REEP3: variants seen among roughly 807,000 people sequenced by gnomAD.
The protein encoded by REEP3 is receptor expression-enhancing protein 3.
A neutral mutation model predicts 41.3 loss-of-function variants in REEP3; 20 were observed. The ratio of observed to expected loss-of-function variants is 0.48; its 90% CI spans 0.34 to 0.70. REEP3 has a LOEUF of 0.70. REEP3 is among the 30% of genes least tolerant of loss of function. The probability of loss-of-function intolerance (pLI) is 0.01; values close to 1 mark genes in which losing one functional copy is unlikely to be tolerated. For missense variants in REEP3, 271 were observed against 308.8 expected, an observed-to-expected ratio of 0.88 and a Z score of 0.92; for synonymous variants, 104 against 101.8, an observed-to-expected ratio of 1.02 and a Z score of -0.13.
intron 6 of REEP3, among the ~76,000 whole-genome samples, chr10:63,618,237 CTTTTT>C (rs60115766): frequency 3.0e-5 from 2 of 66,572 alleles, no homozygotes; most frequent in Non-Finnish European, 5.8e-5. Flanking sequence ...TTTCCTTCTT[CTTTTT>C]TTTTTTTTTT....
At chr10:63,579,347 A>G (rs1319069018) in intron 2 of REEP3, among the ~76,000 whole-genome samples, 1 of 152,160 alleles carries the variant, frequency 6.6e-6, no homozygotes, top group Non-Finnish European at 1.5e-5. Context: ...TGTGTTTTCT[A>G]AAAACAATTT....
chr10:63,538,303 A>G (rs1243179276), intron 1 of REEP3, among the ~76,000 whole-genome samples: 2 of 152,224 alleles, frequency 1.3e-5, no homozygotes, highest in Non-Finnish European at 2.9e-5. Flanking sequence ...AATTCCCCAT[A>G]ATTAGTAAGA....
chr10:63,547,606 C>T (rs768671872), intron 1 of REEP3, among the ~76,000 whole-genome samples: 4 of 152,118 alleles, frequency 2.6e-5, no homozygotes, highest in Non-Finnish European at 4.4e-5. Context: ...CTAGAGATTC[C>T]TGGGCCTTTA....
chr10:63,582,064 A>G (rs952238465), intron 2 of REEP3, among the ~76,000 whole-genome samples: 1 of 152,232 alleles, frequency 6.6e-6, no homozygotes, highest in Admixed American at 6.5e-5. Context: ...TGATATTGTC[A>G]GAACATGCAC....
At chr10:63,573,343 GT>G (rs1955870444) in intron 2 of REEP3, among the ~76,000 whole-genome samples, 1 of 152,130 alleles carries the variant, frequency 6.6e-6, no homozygotes, top group African/African-American at 2.4e-5. Flanking sequence ...AATTAGTATG[GT>G]TTTGCAAATT....
chr10:63,589,144 G>A (rs989086188), intron 2 of REEP3, among the ~76,000 whole-genome samples: 1 of 152,148 alleles, frequency 6.6e-6, no homozygotes, highest in African/African-American at 2.4e-5. Flanking sequence ...TTTTAAGTAG[G>A]CACCCTGACT....
Position 63,621,586 on chromosome 10 carries a change from T to C in REEP3, c.*717T>C, listed in dbSNP as rs1433457511. 1 of 152,660 alleles carries C rather than the reference T, an allele frequency of 6.6e-6. No homozygotes were observed. The highest frequency in any genetic ancestry group is 1.5e-5 in the Non-Finnish European group (1 of 68,026). 9.5% of individuals were successfully genotyped at this position (152,660 alleles called of 1,614,324 possible). Reference sequence around the variant, plus strand: ...TCTCTTTTCCTGTGGGTTTCATTTGTTAAATTCATTGGATTTTAATAATAT... The same window carrying C: ...TCTCTTTTCCTGTGGGTTTCATTTGCTAAATTCATTGGATTTTAATAATAT... On this transcript the variant is annotated 3_prime_UTR_variant, in exon 8 of 8. Coordinates refer to ENST00000373758, the MANE Select transcript of REEP3 (RefSeq NM_001001330.3).
chr10:63,595,443 T>C (rs1193548116), intron 3 of REEP3, among the ~76,000 whole-genome samples: 3 of 152,228 alleles, frequency 2.0e-5, no homozygotes, highest in Non-Finnish European at 2.9e-5. Context: ...CAGTAGTGCA[T>C]TTCCATCTAA....
chr10:63,597,740 C>T (rs1416295899), intron 3 of REEP3, among the ~76,000 whole-genome samples: 4 of 152,010 alleles, frequency 2.6e-5, no homozygotes, highest in South Asian at 4.1e-4. Flanking sequence ...TGGTGAAACC[C>T]CGCCTCTACT....
intron 2 of REEP3, among the ~76,000 whole-genome samples, chr10:63,583,127 G>A (rs1271824155): frequency 2.0e-5 from 3 of 151,940 alleles, no homozygotes; most frequent in Non-Finnish European, 4.4e-5. Context: ...AAGTAGCTGG[G>A]ACTACAGGCG....
intron 2 of REEP3, among the ~76,000 whole-genome samples, chr10:63,574,374 T>C (rs1240302258): frequency 6.6e-6 from 1 of 152,214 alleles, no homozygotes; most frequent in East Asian, 1.9e-4. Flanking sequence ...AAGTGCACAA[T>C]GTCTGGAAAC....
At chr10:63,578,594 G>T (rs114053978) in intron 2 of REEP3, among the ~76,000 whole-genome samples, 2 of 151,930 alleles carry the variant, frequency 1.3e-5, no homozygotes, top group African/African-American at 2.4e-5. Flanking sequence ...GGGCAACTTG[G>T]TAAAACCCCG....
intron 1 of REEP3, among the ~76,000 whole-genome samples, chr10:63,529,199 G>A (rs1020180503): frequency 6.6e-6 from 1 of 152,188 alleles, no homozygotes; most frequent in Non-Finnish European, 1.5e-5. Flanking sequence ...TATTTGGAAA[G>A]AGAGACTGAA....
At chr10:63,601,434 C>T (rs1956170975) in intron 5 of REEP3, among the ~76,000 whole-genome samples, 1 of 152,144 alleles carries the variant, frequency 6.6e-6, no homozygotes, top group African/African-American at 2.4e-5. Context: ...AAAGAAAACC[C>T]ATGGGATCTG....
intron 1 of REEP3, among the ~76,000 whole-genome samples, chr10:63,539,797 C>T (rs1955512274): frequency 6.6e-6 from 1 of 152,026 alleles, no homozygotes; most frequent in African/African-American, 2.4e-5. Context: ...GCCAAAGATT[C>T]TGATTTAACT....
chr10:63,584,959 T>C (rs985532982), intron 2 of REEP3, among the ~76,000 whole-genome samples: 1 of 152,212 alleles, frequency 6.6e-6, no homozygotes, highest in African/African-American at 2.4e-5. Context: ...TTTAAGTGAA[T>C]CATTAGGCAT....
chr10:63,566,451 T>G (rs1369780918), intron 2 of REEP3, 41 bp downstream of exon 2: 13 of 1,116,842 alleles, frequency 1.2e-5, no homozygotes, highest in Non-Finnish European at 1.6e-5. Context: ...AGTTTAATAT[T>G]TTAATGATAC....
At chr10:63,568,269 GTTT>G (rs1228299728) in intron 2 of REEP3, among the ~76,000 whole-genome samples, 7 of 138,306 alleles carry the variant, frequency 5.1e-5, no homozygotes, top group Non-Finnish European at 7.9e-5. Context: ...ATCCTTGTTT[GTTT>G]TTTTTTTTTT....
chr10:63,572,991 C>A (rs1401979970), intron 2 of REEP3, among the ~76,000 whole-genome samples: 1 of 152,178 alleles, frequency 6.6e-6, no homozygotes, highest in Admixed American at 6.5e-5. Context: ...TATCCCAAAA[C>A]CCAGTTTCTT....
Sources: gnomAD v4.1 joint callset for allele counts (sites outside exome capture counted in the v4.1 genomes callset) on GRCh38, gnomAD v4.1.1 for gene constraint, MANE v1.5 for transcripts, NCBI Gene and HGNC (gene_info 2026-07-23, HGNC 2026-07-21) for gene names.